CLASP1: variants seen among roughly 807,000 people sequenced by gnomAD.
The protein encoded by CLASP1 is CLIP-associating protein 1.
A neutral mutation model predicts 192.3 loss-of-function variants in CLASP1; 38 were observed. That is an observed-to-expected ratio of 0.20 (90% CI 0.15 to 0.26). The LOEUF is 0.26. CLASP1 is among the 10% of genes least tolerant of loss of function. The pLI is 1.00. For synonymous variants in CLASP1, 691 were observed against 712.8 expected (o/e 0.97, Z 0.49); for missense variants, 1,433 against 1,932.5 (o/e 0.74, Z 4.85).
chr2:121,394,163 C>T (rs1479317927), intron 30 of CLASP1, among the ~76,000 whole-genome samples: 6 of 152,142 alleles, frequency 3.9e-5, no homozygotes, highest in African/African-American at 1.2e-4. Context: ...GGATATCACT[C>T]CCATGATTGT....
intron 8 of CLASP1, among the ~76,000 whole-genome samples, chr2:121,483,545 T>C (rs1346433257): frequency 1.3e-5 from 2 of 151,226 alleles, no homozygotes; most frequent in Admixed American, 6.6e-5. Flanking sequence ...TGTATGTATA[T>C]ATGTGTGTGT....
intron 21 of CLASP1, among the ~76,000 whole-genome samples, chr2:121,427,110 T>C (rs1038504425): frequency 1.3e-5 from 2 of 152,008 alleles, no homozygotes; most frequent in Admixed American, 1.3e-4. Context: ...AATTAATAGT[T>C]TATAATGATT....
At chr2:121,581,041 C>T (rs2061078549) in intron 2 of CLASP1, among the ~76,000 whole-genome samples, 1 of 152,040 alleles carries the variant, frequency 6.6e-6, no homozygotes, top group Non-Finnish European at 1.5e-5. Flanking sequence ...CTCTGCTGAC[C>T]TTTAATACCA....
chr2:121,456,153 T>C (rs1383001746), intron 14 of CLASP1, among the ~76,000 whole-genome samples: 3 of 152,052 alleles, frequency 2.0e-5, no homozygotes, highest in Admixed American at 6.5e-5. Context: ...GTATACACAT[T>C]ATCAACACAG....
chr2:121,394,261 T>C (rs922826982), intron 30 of CLASP1, among the ~76,000 whole-genome samples: 1 of 152,228 alleles, frequency 6.6e-6, no homozygotes, highest in Non-Finnish European at 1.5e-5. Context: ...TTATCCTGGA[T>C]GGGCCTGACC....
chr2:121,418,894 C>T (rs778947745), intron 22 of CLASP1, among the ~76,000 whole-genome samples, 165 bp from the exon 23 acceptor site: 34 of 152,134 alleles, frequency 2.2e-4, no homozygotes, highest in Non-Finnish European at 3.4e-4. Context: ...CACTGACTGA[C>T]GTGCCAACGG....
chr2:121,362,228 T>A (rs79438883), intron 37 of CLASP1, among the ~76,000 whole-genome samples: 7 of 152,236 alleles, frequency 4.6e-5, no homozygotes, highest in East Asian at 3.8e-4. Flanking sequence ...TTCCAATATA[T>A]GAGTTTGTTT....
chr2:121,498,352 G>T (rs906775782), intron 8 of CLASP1, among the ~76,000 whole-genome samples: 4 of 151,744 alleles, frequency 2.6e-5, no homozygotes, highest in Non-Finnish European at 2.9e-5. Flanking sequence ...GGACTACAGG[G>T]GTGCCCCACC....
intron 37 of CLASP1, among the ~76,000 whole-genome samples, chr2:121,352,679 G>A (rs1313680659): frequency 6.6e-6 from 1 of 152,044 alleles, no homozygotes; most frequent in African/African-American, 2.4e-5. Context: ...TTTTGAGACA[G>A]AGTCTCACTC....
At chr2:121,625,873 CA>C (rs2068245547) in intron 1 of CLASP1, among the ~76,000 whole-genome samples, 1 of 151,818 alleles carries the variant, frequency 6.6e-6, no homozygotes, top group Non-Finnish European at 1.5e-5. Flanking sequence ...AGGCACATCA[CA>C]AGGTCAAGAG....
At chr2:121,518,869 C>T (rs866345396) in intron 6 of CLASP1, among the ~76,000 whole-genome samples, 5 of 152,126 alleles carry the variant, frequency 3.3e-5, no homozygotes, top group East Asian at 3.9e-4. Context: ...CAGAACAAGA[C>T]GCTGTCTCAA....
intron 1 of CLASP1, among the ~76,000 whole-genome samples, chr2:121,614,617 G>A (rs909190470): frequency 1.3e-5 from 2 of 152,082 alleles, no homozygotes; most frequent in African/African-American, 4.8e-5. Context: ...GTACTCAATG[G>A]GTATTTGTAG....
At chr2:121,345,473 G>T (rs2063334328) in intron 39 of CLASP1, among the ~76,000 whole-genome samples, 1 of 152,196 alleles carries the variant, frequency 6.6e-6, no homozygotes, top group South Asian at 2.1e-4. Context: ...GTTCTTTTTG[G>T]ATGAATTTTC....
chr2:121,408,300 T>C (rs2077203994), intron 24 of CLASP1, among the ~76,000 whole-genome samples: 1 of 152,178 alleles, frequency 6.6e-6, no homozygotes, highest in Non-Finnish European at 1.5e-5. Flanking sequence ...CATAAAAGGA[T>C]TTCTAAGTCA....
chr2:121,435,399 C>T (rs1238551031), intron 19 of CLASP1, among the ~76,000 whole-genome samples: 5 of 152,064 alleles, frequency 3.3e-5, no homozygotes, highest in African/African-American at 7.2e-5. Flanking sequence ...CTCAGCCTCC[C>T]GAGTAGCTGG....
At chr2:121,543,090 A>T (rs545300059) in intron 2 of CLASP1, among the ~76,000 whole-genome samples, 1 of 152,326 alleles carries the variant, frequency 6.6e-6, no homozygotes, top group African/African-American at 2.4e-5. Flanking sequence ...ACTTTGCTTA[A>T]TCTTAACTTT....
chr2:121,415,074 C>T (rs1302058924), intron 23 of CLASP1, among the ~76,000 whole-genome samples: 1 of 152,182 alleles, frequency 6.6e-6, no homozygotes, highest in African/African-American at 2.4e-5. Flanking sequence ...GCCGCTACGC[C>T]TGGCCATATC....
intron 2 of CLASP1, among the ~76,000 whole-genome samples, chr2:121,586,996 A>G (rs2061784117): frequency 6.6e-6 from 1 of 152,150 alleles, no homozygotes; most frequent in Non-Finnish European, 1.5e-5. Flanking sequence ...TAATCCCAAC[A>G]CTTTGGGAGG....
chr2:121,349,056 C>T (rs1033123109), intron 37 of CLASP1, among the ~76,000 whole-genome samples: 1 of 152,044 alleles, frequency 6.6e-6, no homozygotes, highest in Non-Finnish European at 1.5e-5. Flanking sequence ...CTGGCTATCA[C>T]GGTGAGAACC....
Sources: allele counts gnomAD v4.1 joint callset (sites outside exome capture counted in the v4.1 genomes callset), GRCh38; gene constraint gnomAD v4.1.1; transcripts MANE v1.5; gene names NCBI Gene and HGNC (gene_info 2026-07-23, HGNC 2026-07-21).